Variants in DHTKD1 observed in about 807,000 individuals in gnomAD.
DHTKD1 encodes the protein 2-oxoadipate dehydrogenase complex component E1.
DHTKD1 carries 78 observed loss-of-function variants against 101.8 expected under a neutral mutation model. The observed-to-expected ratio is 0.77, with a 90% CI of 0.64 to 0.93. The LOEUF (loss-of-function observed/expected upper bound fraction) is 0.93. DHTKD1 is among the 40% of genes least tolerant of loss of function. DHTKD1 has a pLI of 0.00. For missense variants in DHTKD1, 1,223 were observed against 1,161.7 expected (o/e 1.05, Z -0.77); for synonymous variants, 462 against 450.3 (o/e 1.03, Z -0.33).
intron 1 of DHTKD1, among the ~76,000 whole-genome samples, chr10:12,079,612 G>A (rs774699763): frequency 2.8e-4 from 43 of 152,100 alleles, no homozygotes; most frequent in Non-Finnish European, 4.9e-4. Context: ...AGATTGCAGT[G>A]AGCCGAGATT....
At chr10:12,118,014 C>T (rs1378781527) in intron 14 of DHTKD1, among the ~76,000 whole-genome samples, 1 of 151,866 alleles carries the variant, frequency 6.6e-6, no homozygotes, top group African/African-American at 2.4e-5. Context: ...TTCAGCCTCC[C>T]AAGTAGCTGG....
At chr10:12,072,202 C>T (rs984523312) in intron 1 of DHTKD1, among the ~76,000 whole-genome samples, 12 of 152,182 alleles carry the variant, frequency 7.9e-5, no homozygotes, top group African/African-American at 2.7e-4. Context: ...TGTGGTGGCT[C>T]ATGCCTGTAA....
Position 12,081,365 on chromosome 10 carries a change from A to T in DHTKD1, c.155-107A>T. 3.4e-6 allele frequency: 3 copies of T among 873,112 alleles called. No homozygotes were observed. The South Asian group carries it at 4.8e-5, about 14-fold the overall frequency. The allele number at this position is 873,112 out of a possible 1,614,324, so 54.1% of individuals were successfully genotyped here. On this transcript the variant is annotated intron_variant, in intron 1 of 16. Coordinates refer to ENST00000263035, the MANE Select transcript of DHTKD1 (RefSeq NM_018706.7). ...CTGTCTCTAAAATAAATAAATAAAT[A>T]AAAAGTAAGGTGTCTAGGGCTGTAA...
intron 9 of DHTKD1, among the ~76,000 whole-genome samples, chr10:12,100,646 T>C (rs1046727990): frequency 4.6e-5 from 7 of 152,190 alleles, no homozygotes; most frequent in African/African-American, 1.4e-4. Flanking sequence ...ATTTGAGTTA[T>C]AACTACCTCC....
chr10:12,109,749 A>G lies in DHTKD1; in HGVS notation c.2154+1734A>G, dbSNP rs193066380. Reference sequence around the variant, plus strand: ...GAGGCCGAGGTGGGAGGATCACTTGAGCCCAGGAGTTTGAGACCAGCTTGG... The same window carrying G: ...GAGGCCGAGGTGGGAGGATCACTTGGGCCCAGGAGTTTGAGACCAGCTTGG... On this transcript the variant is annotated intron_variant, in intron 12 of 16. Transcript: ENST00000263035. 1.1e-4 allele frequency among the ~76,000 whole-genome samples: 17 copies of G among 151,006 alleles called. No individual in the cohort carries two copies. The East Asian group carries it at 2.2e-3, about 19-fold the overall frequency.
chr10:12,101,693 T>A (rs953548428), intron 10 of DHTKD1, among the ~76,000 whole-genome samples: 1 of 152,094 alleles, frequency 6.6e-6, no homozygotes, highest in Non-Finnish European at 1.5e-5. Context: ...AACCTCCACC[T>A]CCCAGGCTCA....
At chr10:12,089,276 T>C in intron 5 of DHTKD1, 21 bp downstream of exon 5, 4 of 1,608,198 alleles carry the variant, frequency 2.5e-6, no homozygotes, top group Non-Finnish European at 3.4e-6. Context: ...CTTCTGAAAT[T>C]GAGGCCAGAG....
intron 4 of DHTKD1, among the ~76,000 whole-genome samples, chr10:12,088,164 G>T (rs1209713316): frequency 1.3e-5 from 2 of 151,714 alleles, no homozygotes; most frequent in Non-Finnish European, 2.9e-5. Flanking sequence ...TTCATTTTAG[G>T]AAGTCAACTA....
chr10:12,105,906 C>T (rs1833239188), intron 10 of DHTKD1, among the ~76,000 whole-genome samples: 1 of 152,042 alleles, frequency 6.6e-6, no homozygotes. Flanking sequence ...ACCAGCTTGG[C>T]CAACATGCTG....
At chr10:12,088,661 G>A (rs1211875556) in intron 4 of DHTKD1, among the ~76,000 whole-genome samples, 1 of 152,004 alleles carries the variant, frequency 6.6e-6, no homozygotes, top group Non-Finnish European at 1.5e-5. Context: ...TCGGCTCACT[G>A]CAACCTCCGC....
chr10:12,086,947 G>A (rs1363609709), intron 3 of DHTKD1, among the ~76,000 whole-genome samples: 5 of 151,924 alleles, frequency 3.3e-5, no homozygotes, highest in African/African-American at 4.8e-5. Context: ...TTGGCCTCCC[G>A]AAGTGCTGGG....
At chr10:12,088,493 C>T (rs1454588674) in intron 4 of DHTKD1, among the ~76,000 whole-genome samples, 4 of 151,706 alleles carry the variant, frequency 2.6e-5, no homozygotes, top group Non-Finnish European at 5.9e-5. Context: ...AGAGGAAAGG[C>T]AACTAAGCAT....
rs142040879 is a variant in DHTKD1 at position 12,094,480 on chromosome 10, C to G, written c.1358+209C>G. ...CCTCCCGAGTAGCTGGGATTACAGGCGTGTGCCACCGTGCCTGGCTAGTTT... is the reference window on the plus strand; with the variant it reads ...CCTCCCGAGTAGCTGGGATTACAGGGGTGTGCCACCGTGCCTGGCTAGTTT... On this transcript the variant is annotated intron_variant, in intron 7 of 16. Transcript: ENST00000263035. 1.9e-3 allele frequency among the ~76,000 whole-genome samples: 287 copies of G among 152,170 alleles called. 1 individual carries two copies. The highest frequency in any genetic ancestry group is 6.4e-3 in the African/African-American group (265 of 41,530).
rs1833201161 is a variant in DHTKD1 at position 12,103,489 on chromosome 10, A to AACTGTGTGTG, written c.1896+2308_1896+2309insACTGTGTGTG. 1.2e-5 allele frequency among the ~76,000 whole-genome samples: 1 copy of AACTGTGTGTG among 81,240 alleles called. No individual in the cohort carries two copies. The highest frequency in any genetic ancestry group is 2.6e-5 in the Non-Finnish European group (1 of 38,146). The allele number at this position is 81,240 out of a possible 152,430, so 53.3% of individuals were successfully genotyped here. ...TCCCCCAACTTCGTTGTACATCTCAATCTGTGTGTGTGTGTGTGTGTGTGT... is the reference window on the plus strand; with the variant it reads ...TCCCCCAACTTCGTTGTACATCTCAAACTGTGTGTGTCTGTGTGTGTGTGTGTGTGTGTGT... On this transcript the variant is annotated intron_variant, in intron 10 of 16. Transcript: ENST00000263035. This position sits in a 1 kb window ranked among gnomAD's most constrained non-coding sequence, Gnocchi z 4.8.
chr10:12,110,902 G>A lies in DHTKD1; in HGVS notation c.2155-1998G>A, dbSNP rs571565632. On this transcript the variant is annotated intron_variant, in intron 12 of 16. Coordinates refer to ENST00000263035, the MANE Select transcript of DHTKD1 (RefSeq NM_018706.7). This position sits in a 1 kb window ranked among gnomAD's most constrained non-coding sequence, Gnocchi z 4.9. Reference sequence around the variant, plus strand: ...AAAATAAAACTAAAAAAATTAGCTGGGTGGGTGGTGGTGCGTGCCCATAAT... The same window carrying A: ...AAAATAAAACTAAAAAAATTAGCTGAGTGGGTGGTGGTGCGTGCCCATAAT... Among the ~76,000 whole-genome samples the A allele has an allele frequency of 2.9e-4, 44 of 151,962 alleles. No homozygotes were observed. The South Asian group carries it at 8.1e-3, about 28-fold the overall frequency.
intron 5 of DHTKD1, 36 bp downstream of exon 5, chr10:12,089,291 G>T (rs930269541): frequency 1.3e-6 from 2 of 1,591,330 alleles, no homozygotes; most frequent in Non-Finnish European, 1.7e-6. Context: ...CCAGAGGTGG[G>T]GAAAACTGGG....
chr10:12,106,357 A>G lies in DHTKD1; in HGVS notation c.2008A>G (p.Asn670Asp), dbSNP rs149034097. Residue 670 changes from asparagine to aspartate, a missense_variant, in exon 11 of 17, where the codon AAT becomes GAT. Coordinates refer to ENST00000263035, the MANE Select transcript of DHTKD1 (RefSeq NM_018706.7). ...LWEAQFGDFF[N>D]GAQIIFDTFI... ...GGAGGCACAGTTTGGCGATTTCTTCAATGGTGCCCAGATCATCTTTGACAC... is the reference window on the plus strand; with the variant it reads ...GGAGGCACAGTTTGGCGATTTCTTCGATGGTGCCCAGATCATCTTTGACAC... 1.2e-4 allele frequency: 189 copies of G among 1,614,070 alleles called. No individual in the cohort carries two copies. The highest frequency in any genetic ancestry group is 1.6e-4 in the Non-Finnish European group (183 of 1,180,040).
intron 12 of DHTKD1, among the ~76,000 whole-genome samples, chr10:12,109,889 C>T (rs913165612): frequency 4.6e-5 from 7 of 152,052 alleles, no homozygotes; most frequent in African/African-American, 1.4e-4. Context: ...TTGATGACTG[C>T]GGTTTTGATG....
chr10:12,069,947 TG>T (rs897412388), intron 1 of DHTKD1, among the ~76,000 whole-genome samples: 1 of 151,796 alleles, frequency 6.6e-6, no homozygotes, highest in Non-Finnish European at 1.5e-5. Flanking sequence ...TGTGAGCAGG[TG>T]GGGGGGTCCA....
Sources: allele counts gnomAD v4.1 joint callset (sites outside exome capture counted in the v4.1 genomes callset), GRCh38; gene constraint gnomAD v4.1.1; non-coding constraint Gnocchi (gnomAD v3.1); transcripts MANE v1.5; gene names NCBI Gene and HGNC (gene_info 2026-07-23, HGNC 2026-07-21).